The following IL1RAPL2 variants were observed in gnomAD, a reference collection of about 807,000 sequenced individuals.
IL1RAPL2 encodes the protein X-linked interleukin-1 receptor accessory protein-like 2.
A neutral mutation model predicts 44.1 loss-of-function variants in IL1RAPL2; 3 were observed. That is an observed-to-expected ratio of 0.07 (90% confidence interval 0.03 to 0.18). The LOEUF is 0.18. Ranked by LOEUF, IL1RAPL2 falls within the 10% of genes least tolerant of loss-of-function variation. The pLI is 1.00. For synonymous variants in IL1RAPL2, 181 were observed against 178.8 expected, an observed-to-expected ratio of 1.01 and a Z score of -0.10; for missense variants, 391 against 496.4, an observed-to-expected ratio of 0.79 and a Z score of 2.02.
At chrX:105,143,983 G>A (rs775871035) in intron 2 of IL1RAPL2, among the ~76,000 whole-genome samples, 1 of 108,500 alleles carries the variant, frequency 9.2e-6, no homozygotes, top group African/African-American at 3.4e-5. Flanking sequence ...AAAACTTAAA[G>A]TATAATAAAA....
intron 6 of IL1RAPL2, among the ~76,000 whole-genome samples, chrX:105,709,975 G>A (rs1028094515): frequency 2.7e-5 from 3 of 111,041 alleles, no homozygotes; most frequent in African/African-American, 9.8e-5. Context: ...TTATCTGATT[G>A]AGCCAATTGT....
intron 5 of IL1RAPL2, among the ~76,000 whole-genome samples, chrX:105,477,652 G>A (rs953977104): frequency 6.3e-5 from 7 of 111,865 alleles, no homozygotes; most frequent in African/African-American, 1.3e-4. Flanking sequence ...CTGGCTCTCC[G>A]TAAATCTGAT....
At chrX:105,386,791 C>A (rs2035479494) in intron 5 of IL1RAPL2, among the ~76,000 whole-genome samples, 1 of 111,675 alleles carries the variant, frequency 9.0e-6, no homozygotes, top group Non-Finnish European at 1.9e-5. Context: ...TAAATTTAAT[C>A]CTGCCTATGT....
chrX:105,187,395 T>C (rs1556134490), intron 2 of IL1RAPL2, among the ~76,000 whole-genome samples: 1 of 111,483 alleles, frequency 9.0e-6, no homozygotes, highest in Non-Finnish European at 1.9e-5. Context: ...TTATAATATA[T>C]TCCACCATGT....
intron 2 of IL1RAPL2, among the ~76,000 whole-genome samples, chrX:104,693,040 A>G (rs1931118724): frequency 8.9e-6 from 1 of 111,861 alleles, no homozygotes; most frequent in African/African-American, 3.3e-5. Context: ...CGCCATTCTA[A>G]CTGGTGTGAT....
chrX:104,823,962 T>C (rs1921381575), intron 2 of IL1RAPL2, among the ~76,000 whole-genome samples: 1 of 112,052 alleles, frequency 8.9e-6, no homozygotes, highest in Non-Finnish European at 1.9e-5. Flanking sequence ...CCTTTCCTTG[T>C]GCTATTTTTC....
intron 2 of IL1RAPL2, among the ~76,000 whole-genome samples, chrX:104,834,902 C>G (rs1901253124): frequency 1.8e-5 from 2 of 111,751 alleles, no homozygotes; most frequent in South Asian, 7.5e-4. Context: ...AACATTTATC[C>G]TCTGGTCCTT....
intron 7 of IL1RAPL2, among the ~76,000 whole-genome samples, chrX:105,734,943 G>A (rs1417704206): frequency 1.8e-5 from 2 of 111,317 alleles, no homozygotes; most frequent in Admixed American, 1.9e-4. Context: ...ATAAGTGTTT[G>A]TGGTGGTACT....
intron 2 of IL1RAPL2, among the ~76,000 whole-genome samples, chrX:105,077,891 C>A (rs1288141678): frequency 9.1e-6 from 1 of 110,006 alleles, no homozygotes; most frequent in African/African-American, 3.3e-5. Flanking sequence ...TCAGCTCCAT[C>A]AGGTCCTTTA....
At chrX:104,800,311 T>A (rs1468828576) in intron 2 of IL1RAPL2, among the ~76,000 whole-genome samples, 1 of 110,472 alleles carries the variant, frequency 9.1e-6, no homozygotes, top group Non-Finnish European at 1.9e-5. Context: ...ATCACCCTCA[T>A]GAGGCTATAA....
intron 2 of IL1RAPL2, among the ~76,000 whole-genome samples, chrX:104,959,679 T>C (rs1425375685): frequency 9.0e-6 from 1 of 111,552 alleles, no homozygotes; most frequent in Non-Finnish European, 1.9e-5. Flanking sequence ...TGACCACATG[T>C]GTGCCTTCAG....
intron 5 of IL1RAPL2, among the ~76,000 whole-genome samples, chrX:105,481,292 C>G (rs886564175): frequency 8.9e-6 from 1 of 112,277 alleles, no homozygotes; most frequent in Admixed American, 9.5e-5. Context: ...AACTTCATAT[C>G]TAAATTGGCC....
intron 2 of IL1RAPL2, among the ~76,000 whole-genome samples, chrX:104,842,834 G>T (rs1296518572): frequency 8.9e-6 from 1 of 112,571 alleles, no homozygotes; most frequent in Admixed American, 9.3e-5. Context: ...GTCCACCCCT[G>T]TTGGGAGGTC....
chrX:105,670,105 G>GCATATA (rs1255183400), intron 6 of IL1RAPL2, among the ~76,000 whole-genome samples: 1 of 11,684 alleles, frequency 8.6e-5, no homozygotes, highest in Non-Finnish European at 1.9e-4. Flanking sequence ...TGGGTTTCCT[G>GCATATA]TATATATATA....
chrX:105,216,676 G>C (rs2033861433), intron 3 of IL1RAPL2, among the ~76,000 whole-genome samples: 1 of 111,049 alleles, frequency 9.0e-6, no homozygotes, highest in Non-Finnish European at 1.9e-5. Context: ...CAAAACTGGA[G>C]GCATCACACT....
intron 2 of IL1RAPL2, among the ~76,000 whole-genome samples, chrX:105,085,015 A>T (rs966607151): frequency 8.9e-6 from 1 of 111,741 alleles, no homozygotes; most frequent in South Asian, 3.7e-4. Flanking sequence ...GCCATGTAAG[A>T]CGTGCCTGCT....
intron 5 of IL1RAPL2, among the ~76,000 whole-genome samples, chrX:105,349,232 C>T (rs758219305): frequency 8.9e-6 from 1 of 111,824 alleles, no homozygotes; most frequent in East Asian, 2.8e-4. Flanking sequence ...GAAAACTTTG[C>T]ACCAGGCTCA....
intron 6 of IL1RAPL2, among the ~76,000 whole-genome samples, chrX:105,611,577 T>A (rs952944061): frequency 3.6e-5 from 4 of 112,267 alleles, no homozygotes; most frequent in Non-Finnish European, 7.5e-5. Flanking sequence ...TACAGTAATA[T>A]GCTGTATAGG....
Position 105,303,738 on chromosome X carries a change from T to G in IL1RAPL2, c.697+36197T>G, listed in dbSNP as rs146285753. 8.0e-3 allele frequency among the ~76,000 whole-genome samples: 894 copies of G among 111,966 alleles called. 11 individuals are homozygous for G. The highest frequency in any genetic ancestry group is 0.028 in the African/African-American group (858 of 30,806). ...GATTTCAGAACTGTGACCAGAAGGG[T>G]CCTGGCGTACTTCCCTCTAACAGTG... is the stretch of plus-strand genomic sequence containing the variant. On this transcript the variant is annotated intron_variant, in intron 5 of 10. Coordinates refer to ENST00000372582, the MANE Select transcript of IL1RAPL2 (RefSeq NM_017416.2).
Sources: gnomAD v4.1 joint callset for allele counts (sites outside exome capture counted in the v4.1 genomes callset) on GRCh38, gnomAD v4.1.1 for gene constraint, MANE v1.5 for transcripts, NCBI Gene and HGNC (gene_info 2026-07-23, HGNC 2026-07-21) for gene names.